Variants in SLC35F3 observed in about 807,000 individuals in gnomAD.
SLC35F3 encodes the protein solute carrier family 35 member F3, also known as putative thiamine transporter SLC35F3.
In SLC35F3, 25 loss-of-function variants were observed where a neutral mutation model predicts 49.9. That is an observed-to-expected ratio of 0.50 (90% confidence interval 0.37 to 0.70). The LOEUF (loss-of-function observed/expected upper bound fraction) is 0.70. Among genes scored for constraint, SLC35F3 ranks in the 30% least tolerant of loss-of-function variants. SLC35F3 has a pLI of 0.00. For synonymous variants in SLC35F3, 275 were observed against 265.4 expected (o/e 1.04, Z -0.35); for missense variants, 525 against 639.8 (o/e 0.82, Z 1.94).
chr1:234,166,430 A>G (rs1458665777), intron 2 of SLC35F3, among the ~76,000 whole-genome samples: 5 of 152,214 alleles, frequency 3.3e-5, no homozygotes, highest in African/African-American at 1.2e-4. Context: ...GTACCATACA[A>G]AAGCTTAATT....
chr1:233,941,131 A>G (rs189541119), intron 2 of SLC35F3, among the ~76,000 whole-genome samples: 49 of 152,342 alleles, frequency 3.2e-4, no homozygotes, highest in African/African-American at 1.1e-3. Flanking sequence ...GTATATGGTT[A>G]TAACTAAGGT....
At chr1:234,075,924 C>T (rs911564039) in intron 2 of SLC35F3, among the ~76,000 whole-genome samples, 6 of 152,176 alleles carry the variant, frequency 3.9e-5, no homozygotes, top group African/African-American at 4.8e-5. Flanking sequence ...TTACCACACC[C>T]GCGCTTTTTT....
intron 2 of SLC35F3, among the ~76,000 whole-genome samples, chr1:234,118,454 C>T (rs1171755869): frequency 1.3e-5 from 2 of 152,038 alleles, no homozygotes; most frequent in African/African-American, 2.4e-5. Flanking sequence ...CAACTTTGCC[C>T]CAAGGCCTGT....
intron 2 of SLC35F3, among the ~76,000 whole-genome samples, chr1:234,116,319 C>G (rs1055941193): frequency 1.3e-5 from 2 of 152,062 alleles, no homozygotes; most frequent in African/African-American, 2.4e-5. Context: ...GCCCTTACAG[C>G]TCAGGAAATT....
chr1:234,054,308 A>G (rs1224311958), intron 2 of SLC35F3, among the ~76,000 whole-genome samples: 1 of 152,192 alleles, frequency 6.6e-6, no homozygotes, highest in Non-Finnish European at 1.5e-5. Flanking sequence ...GTTTTCACAT[A>G]GTCCCATATT....
chr1:234,022,469 GT>G (rs5781775), intron 2 of SLC35F3, among the ~76,000 whole-genome samples: 115,185 of 152,072 alleles, frequency 0.76, 44,519 homozygotes, highest in African/African-American at 0.92. Flanking sequence ...GACCTCACAG[GT>G]TTTTTTCCTC....
intron 2 of SLC35F3, among the ~76,000 whole-genome samples, chr1:234,106,221 A>G (rs1258502055): frequency 6.6e-6 from 1 of 152,248 alleles, no homozygotes; most frequent in Non-Finnish European, 1.5e-5. Context: ...CTATTGGTCT[A>G]GAGTGGTCAT....
At chr1:234,193,528 G>C (rs929142988) in intron 2 of SLC35F3, among the ~76,000 whole-genome samples, 1 of 152,140 alleles carries the variant, frequency 6.6e-6, no homozygotes, top group Non-Finnish European at 1.5e-5. Flanking sequence ...CTAGACATTG[G>C]CTTAGGCAAA....
intron 2 of SLC35F3, among the ~76,000 whole-genome samples, chr1:234,118,775 A>G (rs1337203226): frequency 6.6e-6 from 1 of 152,360 alleles, no homozygotes; most frequent in Non-Finnish European, 1.5e-5. Context: ...GATATTCAGA[A>G]GAACTAGAAC....
At chr1:234,146,006 C>G (rs1665990075) in intron 2 of SLC35F3, among the ~76,000 whole-genome samples, 1 of 152,106 alleles carries the variant, frequency 6.6e-6, no homozygotes, top group South Asian at 2.1e-4. Flanking sequence ...CTTTTTACAT[C>G]ATTTTTGTTT....
chr1:234,202,475 A>C (rs937238055), intron 2 of SLC35F3, among the ~76,000 whole-genome samples: 1 of 152,246 alleles, frequency 6.6e-6, no homozygotes, highest in African/African-American at 2.4e-5. Flanking sequence ...ATGTAATGGG[A>C]AACTACAAAC....
chr1:234,150,266 C>T, intron 2 of SLC35F3, among the ~76,000 whole-genome samples: 1 of 151,280 alleles, frequency 6.6e-6, no homozygotes, highest in African/African-American at 2.5e-5. Flanking sequence ...AATAAAGCAA[C>T]CAATTTCCTT....
At chr1:233,925,550 G>C (rs1662143298) in intron 2 of SLC35F3, among the ~76,000 whole-genome samples, 1 of 152,102 alleles carries the variant, frequency 6.6e-6, no homozygotes, top group Admixed American at 6.6e-5. Context: ...TGGGTCTCCT[G>C]AATACAGCAC....
intron 3 of SLC35F3, among the ~76,000 whole-genome samples, chr1:234,247,794 GGTTGGCTGGTCCATTGTTTCATGGGTCA>G (rs1667661212): frequency 1.8e-5 from 1 of 55,366 alleles, no homozygotes. Context: ...TCAGTGGGTT[GGTTGGCTGGTCCATTGTTTCATGGGTCA>G]GTTGGCTGGT....
intron 2 of SLC35F3, among the ~76,000 whole-genome samples, chr1:233,935,665 G>A (rs1057162795): frequency 1.3e-5 from 2 of 152,160 alleles, no homozygotes; most frequent in African/African-American, 4.8e-5. Context: ...GTTGCCTTGA[G>A]AGGCTCTTTC....
chr1:234,295,104 G>C (rs1420358035), intron 3 of SLC35F3, among the ~76,000 whole-genome samples: 1 of 152,240 alleles, frequency 6.6e-6, no homozygotes, highest in Non-Finnish European at 1.5e-5. Flanking sequence ...CGCTGTCCCA[G>C]CTGGGCCCTG....
Position 233,999,282 on chromosome 1 carries a change from A to G in SLC35F3, c.283+93524A>G, listed in dbSNP as rs143326320. Reference sequence around the variant, plus strand: ...ATTTTAGCACCAATTCCGAGTGATCATTCACGGCAGAGCTTCTGAGCTCTT... The same window carrying G: ...ATTTTAGCACCAATTCCGAGTGATCGTTCACGGCAGAGCTTCTGAGCTCTT... On this transcript the variant is annotated intron_variant, in intron 2 of 7. Transcript: ENST00000366618. Among the ~76,000 whole-genome samples, 237 of 152,302 alleles carry G rather than the reference A, an allele frequency of 1.6e-3. 1 individual carries two copies. Among genetic ancestry groups the G allele is most frequent in the Non-Finnish European group, 2.8e-3 (191 of 68,022 alleles).
chr1:233,912,739 A>C (rs959565526), intron 2 of SLC35F3, among the ~76,000 whole-genome samples: 3 of 152,206 alleles, frequency 2.0e-5, no homozygotes, highest in African/African-American at 7.2e-5. Flanking sequence ...GGGTGGGATG[A>C]AGTGGGAAGG....
chr1:234,300,337 AT>A (rs1174904006), intron 3 of SLC35F3, among the ~76,000 whole-genome samples: 1 of 152,234 alleles, frequency 6.6e-6, no homozygotes, highest in Admixed American at 6.5e-5. Context: ...ATGATTAAGT[AT>A]GTCTGGGGTC....
Sources: gnomAD v4.1 joint callset for allele counts (sites outside exome capture counted in the v4.1 genomes callset) on GRCh38, gnomAD v4.1.1 for gene constraint, MANE v1.5 for transcripts, NCBI Gene and HGNC (gene_info 2026-07-23, HGNC 2026-07-21) for gene names.